Variants in SNTG1 observed in about 807,000 individuals in gnomAD.
SNTG1 encodes the protein syntrophin gamma 1.
A neutral mutation model predicts 74.7 loss-of-function variants in SNTG1; 39 were observed. The observed-to-expected ratio is 0.52, with a 90% CI of 0.40 to 0.68. SNTG1 has a LOEUF of 0.68. SNTG1 is among the 30% of genes least tolerant of loss of function. SNTG1 has a pLI of 0.00. For missense variants in SNTG1, 685 were observed against 609.5 expected, an observed-to-expected ratio of 1.12 and a Z score of -1.30; for synonymous variants, 254 against 217.1, an observed-to-expected ratio of 1.17 and a Z score of -1.49.
At chr8:50,555,273 A>G (rs1362248851) in intron 12 of SNTG1, among the ~76,000 whole-genome samples, 8 of 152,164 alleles carry the variant, frequency 5.3e-5, no homozygotes, top group South Asian at 2.1e-4. Flanking sequence ...TCCTGTTTCT[A>G]TATTCTAATT....
chr8:50,550,693 G>GTGTGTATATATATA (rs1554571332), intron 11 of SNTG1, among the ~76,000 whole-genome samples: 1 of 149,026 alleles, frequency 6.7e-6, no homozygotes, highest in African/African-American at 2.5e-5. Context: ...TAGTGTGTGT[G>GTGTGTATATATATA]TATATATATA....
At chr8:49,937,001 T>C (rs1361030167) in intron 1 of SNTG1, among the ~76,000 whole-genome samples, 1 of 151,926 alleles carries the variant, frequency 6.6e-6, no homozygotes, top group Non-Finnish European at 1.5e-5. Flanking sequence ...ATACAAAAAT[T>C]CGCCGGACGT....
intron 2 of SNTG1, among the ~76,000 whole-genome samples, chr8:50,248,926 G>T (rs555881778): frequency 6.6e-6 from 1 of 152,226 alleles, no homozygotes; most frequent in South Asian, 2.1e-4. Flanking sequence ...AAAGTGACTA[G>T]AAAGAGATGC....
At chr8:50,784,343 A>G (rs533600615) in intron 18 of SNTG1, among the ~76,000 whole-genome samples, 10 of 152,312 alleles carry the variant, frequency 6.6e-5, no homozygotes, top group African/African-American at 2.4e-4. Flanking sequence ...ATAAAAGGAT[A>G]CAAATATATA....
intron 8 of SNTG1, among the ~76,000 whole-genome samples, chr8:50,472,744 T>C (rs2093663147): frequency 6.6e-6 from 1 of 152,068 alleles, no homozygotes; most frequent in African/African-American, 2.4e-5. Flanking sequence ...ACCTATGGAA[T>C]GGCATAAAAT....
intron 1 of SNTG1, among the ~76,000 whole-genome samples, chr8:50,066,809 C>T (rs565306732): frequency 2.0e-5 from 3 of 152,230 alleles, no homozygotes; most frequent in South Asian, 2.1e-4. Context: ...GACTTTGTAC[C>T]GTTATATCTG....
chr8:49,983,265 C>T (rs748109213), intron 1 of SNTG1, among the ~76,000 whole-genome samples: 7 of 152,072 alleles, frequency 4.6e-5, no homozygotes, highest in East Asian at 3.9e-4. Flanking sequence ...TTGTAAACAG[C>T]GAGTTGTCTA....
chr8:50,241,051 G>C (rs1429124986), intron 2 of SNTG1, among the ~76,000 whole-genome samples: 2 of 152,142 alleles, frequency 1.3e-5, no homozygotes, highest in Non-Finnish European at 2.9e-5. Flanking sequence ...TCATAGGATA[G>C]TCTTCTCTTT....
chr8:50,573,524 A>G (rs2094560424), intron 12 of SNTG1, among the ~76,000 whole-genome samples: 1 of 151,944 alleles, frequency 6.6e-6, no homozygotes. Flanking sequence ...TCATTTTCCC[A>G]AGGATTTCCT....
intron 13 of SNTG1, among the ~76,000 whole-genome samples, chr8:50,617,046 C>T (rs1334648835): frequency 6.6e-6 from 1 of 152,120 alleles, no homozygotes; most frequent in African/African-American, 2.4e-5. Context: ...AAATGTCACC[C>T]CTAAGCTACA....
intron 8 of SNTG1, among the ~76,000 whole-genome samples, chr8:50,472,559 A>T (rs964439089): frequency 6.6e-6 from 1 of 152,148 alleles, no homozygotes; most frequent in African/African-American, 2.4e-5. Context: ...ACCTAAAAAA[A>T]TACTAAACTC....
intron 1 of SNTG1, among the ~76,000 whole-genome samples, chr8:50,144,857 T>C (rs1254805108): frequency 1.3e-5 from 2 of 152,164 alleles, no homozygotes; most frequent in African/African-American, 4.8e-5. Flanking sequence ...GTATTTTTAT[T>C]CTGGGTTTGA....
intron 18 of SNTG1, among the ~76,000 whole-genome samples, chr8:50,784,853 A>G (rs1159814404): frequency 6.6e-6 from 1 of 152,214 alleles, no homozygotes; most frequent in Non-Finnish European, 1.5e-5. Flanking sequence ...AATACAAATT[A>G]TGTTCTATGA....
At chr8:50,067,324 A>G (rs1384519845) in intron 1 of SNTG1, among the ~76,000 whole-genome samples, 1 of 152,196 alleles carries the variant, frequency 6.6e-6, no homozygotes, top group African/African-American at 2.4e-5. Context: ...ATTAATTTAC[A>G]CACCATTTAA....
At chr8:50,282,384 T>G (rs1431526276) in intron 2 of SNTG1, among the ~76,000 whole-genome samples, 1 of 152,206 alleles carries the variant, frequency 6.6e-6, no homozygotes, top group Non-Finnish European at 1.5e-5. Context: ...CTTTCACTGT[T>G]GAGCCATTTT....
chr8:50,625,943 C>T (rs1347295982), intron 13 of SNTG1, among the ~76,000 whole-genome samples: 1 of 152,166 alleles, frequency 6.6e-6, no homozygotes, highest in African/African-American at 2.4e-5. Context: ...CCCATGTGTG[C>T]TTTCCTTCCC....
intron 2 of SNTG1, among the ~76,000 whole-genome samples, chr8:50,285,764 G>A (rs1374099975): frequency 8.7e-5 from 13 of 149,310 alleles, no homozygotes; most frequent in South Asian, 2.1e-4. Context: ...CCATAAGGGC[G>A]TCATTCTTTT....
intron 1 of SNTG1, among the ~76,000 whole-genome samples, chr8:50,087,198 T>A (rs1410144130): frequency 6.6e-6 from 1 of 152,212 alleles, no homozygotes; most frequent in East Asian, 1.9e-4. Flanking sequence ...GACTCAAGAA[T>A]CTCTGGTTTG....
In SNTG1 at chr8:49,911,502, T is replaced by C. The variant is rs1805578328; in HGVS notation, c.-832T>C. On this transcript the variant is annotated 5_prime_UTR_variant, in exon 1 of 19. Coordinates refer to ENST00000642720, the MANE Select transcript of SNTG1 (RefSeq NM_018967.5). ...GATTCCTGTTTTTCCAGAAACGTTG[T>C]CACCAAATAAGTATGAGACTGTTAA... The C allele has an allele frequency of 6.8e-6, 1 of 147,546 alleles. No individual in the cohort carries two copies. The highest frequency in any genetic ancestry group is 2.5e-5 in the African/African-American group (1 of 39,556). 9.1% of individuals were successfully genotyped at this position (147,546 alleles called of 1,614,324 possible).
Sources: gnomAD v4.1 joint callset for allele counts (sites outside exome capture counted in the v4.1 genomes callset) on GRCh38, gnomAD v4.1.1 for gene constraint, MANE v1.5 for transcripts, NCBI Gene and HGNC (gene_info 2026-07-23, HGNC 2026-07-21) for gene names.